Variants in CARD14 observed in about 807,000 individuals in gnomAD.
CARD14 encodes the protein caspase recruitment domain family member 14, also known as caspase recruitment domain-containing protein 14.
CARD14 carries 107 observed loss-of-function variants against 111.5 expected under a neutral mutation model. That is an observed-to-expected ratio of 0.96 (90% CI 0.82 to 1.13). The LOEUF is 1.13. Among genes scored for constraint, CARD14 ranks in the 50% most tolerant of loss-of-function variants. CARD14 has a pLI of 0.00. For synonymous variants in CARD14, 617 were observed against 579.6 expected (o/e 1.06, Z -0.93); for missense variants, 1,322 against 1,362.3 (o/e 0.97, Z 0.47).
In CARD14 at chr17:80,205,020, T is replaced by G; in HGVS notation, c.2399-15T>G. On this transcript the variant is annotated splice_polypyrimidine_tract_variant and intron_variant, in intron 20 of 23. Coordinates refer to ENST00000648509, the MANE Select transcript of CARD14 (RefSeq NM_001366385.1). ...GCCGCAGCCTCACCCACCCTCAGGA[T>G]CCTCTCCTCCACAGGCTCCAGCACG... 6.5e-7 allele frequency: 1 copy of G among 1,550,082 alleles called. No individual in the cohort carries two copies.
At chr17:80,181,740 C>A (rs987388739) in intron 5 of CARD14, 91 bp downstream of exon 5, 16 of 1,175,716 alleles carry the variant, frequency 1.4e-5, no homozygotes, top group Non-Finnish European at 1.9e-5. Context: ...GGTCTCTTCT[C>A]GTCCTGTCTC....
In CARD14 at chr17:80,181,421, T is replaced by TCCTCCCAGCGC. The variant is rs955612800; in HGVS notation, c.-15_-5dup. The TCCTCCCAGCGC allele has an allele frequency of 5.0e-5, 77 of 1,554,416 alleles. No individual in the cohort carries two copies. Among genetic ancestry groups the TCCTCCCAGCGC allele is most frequent in the Non-Finnish European group, 6.4e-5 (73 of 1,148,894 alleles). ...ACCCCCATGGCCACCCCTCCTAGGG[T>TCCTCCCAGCGC]CCTCCCAGCGCCCAGCCATGGGGGA... On this transcript the variant is annotated 5_prime_UTR_variant, in exon 5 of 24. Coordinates refer to ENST00000648509, the MANE Select transcript of CARD14 (RefSeq NM_001366385.1).
At chr17:80,183,865 T>C in intron 6 of CARD14, 48 bp from the exon 7 acceptor site, 1 of 1,427,128 alleles carries the variant, frequency 7.0e-7, no homozygotes. Flanking sequence ...CCTGCCCACC[T>C]ATTACCTCCC....
At chr17:80,173,581 T>C (rs769783372) in intron 2 of CARD14, among the ~76,000 whole-genome samples, 3 of 152,040 alleles carry the variant, frequency 2.0e-5, no homozygotes, top group Non-Finnish European at 2.9e-5. Context: ...GGCTAACTCA[T>C]AGGCAGTGCA....
At chr17:80,194,098 T>C (rs1243374835) in intron 12 of CARD14, among the ~76,000 whole-genome samples, 1 of 152,100 alleles carries the variant, frequency 6.6e-6, no homozygotes, top group African/African-American at 2.4e-5. Context: ...ATGGGCTCTC[T>C]GCGTGCCACT....
At chr17:80,172,101 G>C (rs1482062042) in intron 1 of CARD14, among the ~76,000 whole-genome samples, 4 of 152,266 alleles carry the variant, frequency 2.6e-5, no homozygotes, top group Admixed American at 6.5e-5. Context: ...ATACTGGAGA[G>C]CGTGCCAGAG....
rs150536049 is a variant in CARD14 at position 80,191,367 on chromosome 17, C to G, written c.1134C>G (p.Ser378Arg). The G allele has an allele frequency of 2.8e-4, 450 of 1,613,916 alleles. No homozygotes were observed. Among genetic ancestry groups the G allele is most frequent in the Admixed American group, 1.8e-3 (106 of 60,028 alleles). The change falls in exon 11 of 24, where the codon AGC (serine) becomes AGG (arginine). Residue 378 changes from serine (S) to arginine (R), a missense_variant. Coordinates refer to ENST00000648509, the MANE Select transcript of CARD14 (RefSeq NM_001366385.1). Reference protein sequence around the residue: ...RDSAQREISQSLVEKDSLRRQ... With the variant: ...RDSAQREISQRLVEKDSLRRQ... ...GTGCTCAGAGGGAGATTTCCCAGAG[C>G]CTGGTGGAGAAGGACTCCCTCCGCA...
intron 16 of CARD14, among the ~76,000 whole-genome samples, chr17:80,199,925 T>C (rs1267945839): frequency 6.6e-6 from 1 of 151,562 alleles, no homozygotes; most frequent in Non-Finnish European, 1.5e-5. Context: ...TTTCTTAATA[T>C]GAAAAAAATT....
At chr17:80,194,020 C>T (rs1016951166) in intron 12 of CARD14, among the ~76,000 whole-genome samples, 1 of 152,130 alleles carries the variant, frequency 6.6e-6, no homozygotes, top group Admixed American at 6.5e-5. Context: ...GATCAGCTGC[C>T]CTCCAGCCAC....
intron 23 of CARD14, among the ~76,000 whole-genome samples, chr17:80,207,932 C>T (rs1555618838): frequency 6.6e-6 from 1 of 152,142 alleles, no homozygotes; most frequent in Non-Finnish European, 1.5e-5. Context: ...GCTACTGTGC[C>T]CTTTCTACTC....
intron 2 of CARD14, among the ~76,000 whole-genome samples, chr17:80,175,050 A>G (rs1458987628): frequency 1.3e-5 from 2 of 149,818 alleles, no homozygotes; most frequent in Non-Finnish European, 3.0e-5. Context: ...ATCTCATTTC[A>G]CTGCAACCTC....
chr17:80,182,672 G>A lies in CARD14; in HGVS notation c.231G>A (p.Leu77=). 6.2e-7 allele frequency: 1 copy of A among 1,614,118 alleles called. No individual in the cohort carries two copies. The highest frequency in any genetic ancestry group is 8.5e-7 in the Non-Finnish European group (1 of 1,179,990). ...AMRAGHLLDL[L]KTRGKNGAIA... Reference sequence around the variant, plus strand: ...CCCAAGGGCACTTGCTGGATTTGCTGAAGACTCGAGGGAAGAACGGGGCCA... The same window carrying A: ...CCCAAGGGCACTTGCTGGATTTGCTAAAGACTCGAGGGAAGAACGGGGCCA... Residue 77 remains leucine (L), a synonymous_variant, in exon 6 of 24, where the codon CTG becomes CTA. Transcript: ENST00000648509. The surrounding 1 kb of genome is among the most constrained non-coding windows in gnomAD (Gnocchi z 4.7).
rs1359027479 is a variant in CARD14, at chr17:80,207,004, G to A, written c.2726G>A (p.Ser909Asn). Residue 909 changes from serine (S) to asparagine (N), a missense_variant, in exon 23 of 24, where the codon AGT becomes AAT. Ser to Asn is a conservative substitution (Grantham distance 46, BLOSUM62 1). Transcript: ENST00000648509. Reference protein sequence around the residue: ...THALLDVQLDSVCTLHRMDIF... With the variant: ...THALLDVQLDNVCTLHRMDIF... ...GCCCTCCTGGACGTCCAGCTGGACA[G>A]TGTCTGCACCCTGCACAGGATGGAC... 6.2e-7 allele frequency: 1 copy of A among 1,613,924 alleles called. No homozygotes were observed.
chr17:80,189,628 A>G lies in CARD14; in HGVS notation c.844-125A>G, dbSNP rs1456955751. 1 of 1,211,424 alleles carries G rather than the reference A, an allele frequency of 8.3e-7. No individual in the cohort carries two copies. Among genetic ancestry groups the G allele is most frequent in the African/African-American group, 1.6e-5 (1 of 62,060 alleles). The allele number at this position is 1,211,424 out of a possible 1,614,324, so 75.0% of individuals were successfully genotyped here. A position where few individuals can be genotyped will look rare whatever the true frequency, so the allele number is the denominator to read the frequency against. On this transcript the variant is annotated intron_variant, in intron 8 of 23. Transcript: ENST00000648509. The surrounding 1 kb of genome is among the most constrained non-coding windows in gnomAD (Gnocchi z 4.7). ...GTGGCTTCTCTCCTGCCCGGTGTAG[A>G]GTGGCAAGACTGCATCCGTCCACAC...
At chr17:80,184,314 C>A in intron 7 of CARD14, 76 bp downstream of exon 7, 1 of 1,207,982 alleles carries the variant, frequency 8.3e-7, no homozygotes, top group South Asian at 1.8e-5. Context: ...TGGTCCATCT[C>A]CCTGGAACTC....
rs2144164269 is a variant in CARD14, at chr17:80,182,674, A to C, written c.233A>C (p.Lys78Thr). ...MRAGHLLDLLKTRGKNGAIAF... is the reference protein window; with the variant it reads ...MRAGHLLDLLTTRGKNGAIAF... ...CAAGGGCACTTGCTGGATTTGCTGAAGACTCGAGGGAAGAACGGGGCCATC... is the reference window on the plus strand; with the variant it reads ...CAAGGGCACTTGCTGGATTTGCTGACGACTCGAGGGAAGAACGGGGCCATC... The change falls in exon 6 of 24, where the codon AAG becomes ACG. Residue 78 changes from lysine to threonine, a missense_variant. Lys to Thr is a moderately conservative substitution (Grantham distance 78). Coordinates refer to ENST00000648509, the MANE Select transcript of CARD14 (RefSeq NM_001366385.1). This position sits in a 1 kb window ranked among gnomAD's most constrained non-coding sequence, Gnocchi z 4.7. The C allele has an allele frequency of 6.2e-7, 1 of 1,614,116 alleles. No individual in the cohort carries two copies. Among genetic ancestry groups the C allele is most frequent in the Non-Finnish European group, 8.5e-7 (1 of 1,179,986 alleles).
rs955372031 is a variant in CARD14, at chr17:80,175,480, G to A, written c.-367+2252G>A. Among the ~76,000 whole-genome samples the A allele has an allele frequency of 4.6e-5, 7 of 152,156 alleles. No homozygotes were observed. In the East Asian group the frequency reaches 9.6e-4, roughly 21 times the overall value. ...GACTTTGACGTGACAGAGCGACTGCGCCCACTGGTTGTCCTCTAAGAAGGC... is the reference window on the plus strand; with the variant it reads ...GACTTTGACGTGACAGAGCGACTGCACCCACTGGTTGTCCTCTAAGAAGGC... On this transcript the variant is annotated intron_variant, in intron 2 of 23. Transcript: ENST00000648509.
chr17:80,178,372 T>A (rs1326858927), intron 2 of CARD14, 136 bp from the exon 3 acceptor site: 1 of 152,184 alleles, frequency 6.6e-6, no homozygotes, highest in Non-Finnish European at 1.5e-5. Flanking sequence ...CAAAGGTCCG[T>A]CGAGTTATTT....
Position 80,172,925 on chromosome 17 carries a change from G to A in CARD14, c.-670G>A, listed in dbSNP as rs1352335149. 1.7e-5 allele frequency: 2 copies of A among 114,906 alleles called. No homozygotes were observed. Among genetic ancestry groups the A allele is most frequent in the Non-Finnish European group, 3.4e-5 (2 of 58,650 alleles). 7.1% of individuals were successfully genotyped at this position (114,906 alleles called of 1,614,324 possible). ...AGGTAGAGTTTCACTCTGGCTCCTA[G>A]GCTGGAATGCAGTGGCACCATCTCA... On this transcript the variant is annotated 5_prime_UTR_variant, in exon 2 of 24. Transcript: ENST00000648509.
Sources: allele counts gnomAD v4.1 joint callset (sites outside exome capture counted in the v4.1 genomes callset), GRCh38; gene constraint gnomAD v4.1.1; non-coding constraint Gnocchi (gnomAD v3.1); transcripts MANE v1.5; gene names NCBI Gene and HGNC (gene_info 2026-07-23, HGNC 2026-07-21).